The following ABCC9 variants were observed in gnomAD, a reference collection of about 807,000 sequenced individuals.
ABCC9 encodes the protein ATP binding cassette subfamily C member 9.
ABCC9 carries 95 observed loss-of-function variants against 188.3 expected under a neutral mutation model. The ratio of observed to expected loss-of-function variants is 0.50; its 90% CI spans 0.43 to 0.60. The LOEUF is 0.60. ABCC9 is among the 20% of genes least tolerant of loss of function. The pLI, the probability that ABCC9 is intolerant of heterozygous loss-of-function variation, is 0.00. For synonymous variants in ABCC9, 659 were observed against 652.7 expected, an observed-to-expected ratio of 1.01 and a Z score of -0.15; for missense variants, 1,102 against 1,876.3, an observed-to-expected ratio of 0.59 and a Z score of 7.62.
Position 21,852,425 on chromosome 12 carries a change from G to C in ABCC9, c.2586C>G (p.Asp862Glu), listed in dbSNP as rs768765531. ...GAGTCACAAGAACGAGTGTCCTTTTGTCATCTTGCAGGAATTTCAAAATCC... is the reference window on the plus strand; with the variant it reads ...GAGTCACAAGAACGAGTGTCCTTTTCTCATCTTGCAGGAATTTCAAAATCC... ...QEGILKFLQD[D>E]KRTLVLVTHK... Residue 862 changes from aspartate to glutamate, a missense_variant, in exon 23 of 40, where the codon GAC becomes GAG. Physicochemically the swap from Asp to Glu is conservative, Grantham distance 45. Around this residue, in one of 12 missense-constraint regions of ABCC9, gnomAD observed 131 missense variants for 170.2 expected, o/e 0.77. Transcript: ENST00000261200. 4.3e-6 allele frequency: 7 copies of C among 1,613,838 alleles called. No homozygotes were observed. The highest frequency in any genetic ancestry group is 5.9e-6 in the Non-Finnish European group (7 of 1,179,950).
At chr12:21,902,795 A>G (rs1286487093) in intron 12 of ABCC9, among the ~76,000 whole-genome samples, 3 of 152,230 alleles carry the variant, frequency 2.0e-5, no homozygotes, top group Non-Finnish European at 4.4e-5. Flanking sequence ...TGAAGCAATA[A>G]TTAATAGCCT....
chr12:21,803,272 T>C (rs2060561644), intron 39 of ABCC9, among the ~76,000 whole-genome samples: 1 of 152,000 alleles, frequency 6.6e-6, no homozygotes, highest in South Asian at 2.1e-4. Context: ...CATGGATGTC[T>C]AAAAAAAGAA....
chr12:21,876,646 A>G (rs559467604), intron 16 of ABCC9, among the ~76,000 whole-genome samples: 1 of 152,334 alleles, frequency 6.6e-6, no homozygotes, highest in East Asian at 1.9e-4. Flanking sequence ...CCAGTTATAC[A>G]AATAGGAAAT....
rs1165364307 is a variant in ABCC9 at position 21,798,811 on chromosome 12, G to A, written c.*2233C>T. On this transcript the variant is annotated 3_prime_UTR_variant, in exon 40 of 40. Transcript: ENST00000261200. ...ACACATGCACACGTATGTTTATTGC[G>A]GCATTATTCACAATAGCAAAGACTT... 49 of 145,500 alleles carry A rather than the reference G, an allele frequency of 3.4e-4. No individual in the cohort carries two copies. The South Asian group carries it at 4.5e-3, about 13-fold the overall frequency. The allele number at this position is 145,500 out of a possible 1,614,324, so 9.0% of individuals were successfully genotyped here. A position where few individuals can be genotyped will look rare whatever the true frequency, so the allele number is the denominator to read the frequency against.
In ABCC9 at chr12:21,838,193, TAAAC is replaced by T. The variant is rs774365255; in HGVS notation, c.3474-27_3474-24del. ...TCCCTAGTAGAGAGAGGGGCAAAAA[TAAAC>T]TTCATGTGCATCCAGACTCAAAGAC... On this transcript the variant is annotated intron_variant, in intron 29 of 39. Transcript: ENST00000261200. The T allele has an allele frequency of 4.0e-6, 6 of 1,501,084 alleles. No individual in the cohort carries two copies. The South Asian group carries it at 6.8e-5, about 17-fold the overall frequency. 93.0% of individuals were successfully genotyped at this position (1,501,084 alleles called of 1,614,324 possible). A position where few individuals can be genotyped will look rare whatever the true frequency, so the allele number is the denominator to read the frequency against.
intron 30 of ABCC9, among the ~76,000 whole-genome samples, chr12:21,832,832 T>C (rs1433261903): frequency 6.6e-6 from 1 of 152,176 alleles, no homozygotes; most frequent in African/African-American, 2.4e-5. Flanking sequence ...CACATGTTTA[T>C]AGCAGCACAA....
chr12:21,804,173 T>C (rs1941677494), intron 39 of ABCC9, among the ~76,000 whole-genome samples: 1 of 152,082 alleles, frequency 6.6e-6, no homozygotes, highest in African/African-American at 2.4e-5. Context: ...GGTTTTGAAA[T>C]GAAGAATGAG....
chr12:21,833,712 A>T (rs1310251038), intron 30 of ABCC9, among the ~76,000 whole-genome samples: 1 of 152,138 alleles, frequency 6.6e-6, no homozygotes, highest in African/African-American at 2.4e-5. Flanking sequence ...TCCTGAATCT[A>T]TTCAGATCCT....
At chr12:21,866,926 G>A (rs894176238) in intron 18 of ABCC9, among the ~76,000 whole-genome samples, 8 of 152,096 alleles carry the variant, frequency 5.3e-5, no homozygotes, top group African/African-American at 1.9e-4. Context: ...AAAAATGGGT[G>A]GGGAATAATG....
rs369803797 is a variant in ABCC9 at position 21,897,952 on chromosome 12, G to A, written c.1619-2637C>T. 3.9e-5 allele frequency among the ~76,000 whole-genome samples: 6 copies of A among 152,232 alleles called. No individual in the cohort carries two copies. In the East Asian group the frequency reaches 9.7e-4, roughly 25 times the overall value. On this transcript the variant is annotated intron_variant, in intron 12 of 39. Transcript: ENST00000261200. ...TTAGTAGCTGGATGATTTGAAAGAA[G>A]TTCAGGTTACCTAAGTTCTTTATAT...
At chr12:21,896,672 T>A (rs1947447699) in intron 12 of ABCC9, among the ~76,000 whole-genome samples, 1 of 152,158 alleles carries the variant, frequency 6.6e-6, no homozygotes, top group African/African-American at 2.4e-5. Context: ...TGTTTGGTTT[T>A]CTGTTCCTGG....
chr12:21,914,957 A>G (rs541276933), intron 7 of ABCC9, among the ~76,000 whole-genome samples: 60 of 149,062 alleles, frequency 4.0e-4, no homozygotes, highest in African/African-American at 1.4e-3. Flanking sequence ...CTGGAGTGCA[A>G]TGGTGCAATC....
In ABCC9 at chr12:21,915,908, T is replaced by A. The variant is rs779927466; in HGVS notation, c.576A>T (p.Arg192Ser). 3 of 1,611,966 alleles carry A rather than the reference T, an allele frequency of 1.9e-6. No homozygotes were observed. The highest frequency in any genetic ancestry group is 2.5e-6 in the Non-Finnish European group (3 of 1,178,450). Residue 192 changes from arginine (R) to serine (S), a missense_variant and splice_region_variant, in exon 7 of 40, where the codon AGA becomes AGT. Transcript: ENST00000261200. ...TCTGAGGATTCATGAAAAATACATA[T>A]CTCTGTGGCAAGAAAAATTCCACAG... is the stretch of plus-strand genomic sequence containing the variant. ...AVEINVIRVR[R>S]YVFFMNPQKV...
intron 30 of ABCC9, among the ~76,000 whole-genome samples, chr12:21,834,840 G>C (rs1343939201): frequency 6.8e-6 from 1 of 146,700 alleles, no homozygotes; most frequent in East Asian, 2.0e-4. Flanking sequence ...GCGCACATGA[G>C]GAGGGAGCCC....
In ABCC9 at chr12:21,913,077, A is replaced by G. The variant is rs1347920700; in HGVS notation, c.817-11T>C. 1 of 1,594,400 alleles carries G rather than the reference A, an allele frequency of 6.3e-7. No individual in the cohort carries two copies. Among genetic ancestry groups the G allele is most frequent in the Non-Finnish European group, 8.5e-7 (1 of 1,173,448 alleles). On this transcript the variant is annotated splice_polypyrimidine_tract_variant and intron_variant, in intron 7 of 39. Coordinates refer to ENST00000261200, the MANE Select transcript of ABCC9 (RefSeq NM_020297.4). Reference sequence around the variant, plus strand: ...ATCTGCAACTTTTTTCTGAAGAAAAAAAAAAGAAAAAAAAAACAGATGTAA... The same window carrying G: ...ATCTGCAACTTTTTTCTGAAGAAAAGAAAAAGAAAAAAAAAACAGATGTAA...
At chr12:21,885,494 G>A (rs1043243288) in intron 15 of ABCC9, among the ~76,000 whole-genome samples, 7 of 152,118 alleles carry the variant, frequency 4.6e-5, no homozygotes, top group South Asian at 2.1e-4. Context: ...CCTATATGCC[G>A]TTTCTTGAGG....
At chr12:21,917,161 T>C (rs1948630842) in intron 5 of ABCC9, 58 bp from the exon 6 acceptor site, 1 of 1,545,678 alleles carries the variant, frequency 6.5e-7, no homozygotes, top group Admixed American at 1.7e-5. Context: ...ATCACTAGCA[T>C]TTGAATGTAA....
At chr12:21,882,913 T>C (rs199512953) in intron 15 of ABCC9, 40 bp from the exon 16 acceptor site, 30 of 1,533,334 alleles carry the variant, frequency 2.0e-5, no homozygotes, top group Admixed American at 1.7e-4. Flanking sequence ...TGAGGCTTTA[T>C]TAAAAAAATG....
intron 22 of ABCC9, among the ~76,000 whole-genome samples, chr12:21,853,891 G>T (rs1268746909): frequency 6.6e-6 from 1 of 152,170 alleles, no homozygotes; most frequent in Non-Finnish European, 1.5e-5. Context: ...GATGTTTCAG[G>T]TAAAAACTGG....
Sources: gnomAD v4.1 joint callset for allele counts (sites outside exome capture counted in the v4.1 genomes callset) on GRCh38, gnomAD v4.1.1 for gene constraint, gnomAD v4.1.1 regional missense constraint, MANE v1.5 for transcripts, NCBI Gene and HGNC (gene_info 2026-07-23, HGNC 2026-07-21) for gene names.